Variants in PRSS53 observed in about 807,000 individuals in gnomAD.
PRSS53 encodes serine protease 53.
A neutral mutation model predicts 62.7 loss-of-function variants in PRSS53; 54 were observed. The observed-to-expected ratio is 0.86, with a 90% CI of 0.69 to 1.08. PRSS53 has a LOEUF of 1.08. Among genes scored for constraint, PRSS53 ranks in the 50% least tolerant of loss-of-function variants. PRSS53 has a pLI of 0.00. For synonymous variants in PRSS53, 273 were observed against 300.0 expected, an observed-to-expected ratio of 0.91 and a Z score of 0.93; for missense variants, 688 against 728.3, an observed-to-expected ratio of 0.94 and a Z score of 0.64.
At position 31,084,061 on chromosome 16, in the gene PRSS53, T is replaced by A. The variant is rs1415936394; in HGVS notation, c.1642+58A>T. 4 of 1,534,384 alleles carry A rather than the reference T, an allele frequency of 2.6e-6. No homozygotes were observed. The African/African-American group carries it at 5.5e-5, about 21-fold the overall frequency. ...GTGGGTTAGAACGGCACGTTCTCAC[T>A]GGAGAGAGAAGGGTCCTGGAGAGGC... On this transcript the variant is annotated intron_variant, in intron 10 of 10. Coordinates refer to ENST00000280606, the Ensembl canonical transcript of PRSS53.
In PRSS53 at chr16:31,083,544, AAGG is replaced by A. The variant is rs555821985; in HGVS notation, c.*243_*245del. On this transcript the variant is annotated 3_prime_UTR_variant, in exon 11 of 11. Coordinates refer to ENST00000280606, the Ensembl canonical transcript of PRSS53. ...TGGCGTGATTGTATCTGAAAGGGTA[AAGG>A]AGGAGGAAAGCTGAGACGCCTGCTT... is the stretch of plus-strand genomic sequence containing the variant. 1.2e-3 allele frequency: 1,693 copies of A among 1,425,702 alleles called. 3 individuals carry two copies. Among genetic ancestry groups the A allele is most frequent in the Non-Finnish European group, 1.2e-3 (1,356 of 1,086,138 alleles). The allele number at this position is 1,425,702 out of a possible 1,614,324, so 88.3% of individuals were successfully genotyped here. A position where few individuals can be genotyped will look rare whatever the true frequency, so the allele number is the denominator to read the frequency against.
At chr16:31,088,901 T>G in exon 1 of PRSS53, 1 of 1,570,342 alleles carries the variant, frequency 6.4e-7, no homozygotes, top group Non-Finnish European at 8.6e-7. Context: ...TCCAGTTGGC[T>G]AGGATTCAGC....
At chr16:31,084,669 G>C in exon 9 of PRSS53, 3 of 1,611,768 alleles carry the variant, frequency 1.9e-6, no homozygotes, top group Non-Finnish European at 2.5e-6. Flanking sequence ...TAGGCCCCAG[G>C]AGGGTCACGG....
chr16:31,087,673 G>C (rs559694061), exon 3 of PRSS53: 2 of 1,611,918 alleles, frequency 1.2e-6, no homozygotes, highest in Non-Finnish European at 1.7e-6. Flanking sequence ...TGAGGCTTGG[G>C]GGGGCCGGGG....
At chr16:31,085,857 C>G in intron 6 of PRSS53, 107 bp downstream of exon 6, 1 of 1,003,356 alleles carries the variant, frequency 1.0e-6, no homozygotes, top group Non-Finnish European at 1.5e-6. Context: ...GGTGAAAGAG[C>G]CCCCTAATTA....
chr16:31,086,934 G>T, intron 3 of PRSS53, 36 bp from the exon 4 acceptor site: 2 of 1,552,100 alleles, frequency 1.3e-6, no homozygotes, highest in Non-Finnish European at 1.7e-6. Flanking sequence ...GCTGCTGAGT[G>T]CAAGGGTAGA....
At position 31,084,352 on chromosome 16, in the gene PRSS53, G is replaced by A; in HGVS notation, c.1426-17C>T. ...AGACAGGCCCTGTCAGGGGTCAGGT[G>A]ACACTGGGTGACTTTTTATAGGCAG... On this transcript the variant is annotated splice_polypyrimidine_tract_variant and intron_variant, in intron 9 of 10. Transcript: ENST00000280606. The A allele has an allele frequency of 3.7e-6, 6 of 1,601,884 alleles. No homozygotes were observed. The highest frequency in any genetic ancestry group is 5.1e-6 in the Non-Finnish European group (6 of 1,175,080).
chr16:31,084,055 T>C (rs542360591), intron 10 of PRSS53, 64 bp downstream of exon 10: 1 of 1,529,806 alleles, frequency 6.5e-7, no homozygotes, highest in East Asian at 2.5e-5. Context: ...AACGGCACGT[T>C]CTCACTGGAG....
exon 11 of PRSS53, chr16:31,083,619 C>T (rs2057194212): frequency 1.0e-5 from 15 of 1,502,516 alleles, no homozygotes; most frequent in Non-Finnish European, 1.3e-5. Flanking sequence ...CCCTGTCCTG[C>T]AGGGTGGGGA....
chr16:31,083,978 A>C, intron 10 of PRSS53, 141 bp downstream of exon 10: 1 of 1,500,352 alleles, frequency 6.7e-7, no homozygotes, highest in Non-Finnish European at 8.9e-7. Flanking sequence ...ATGACAAAGA[A>C]CCAGAATCTG....
exon 7 of PRSS53, chr16:31,085,133 T>C (rs1311789202): frequency 6.2e-7 from 1 of 1,612,492 alleles, no homozygotes; most frequent in Admixed American, 1.7e-5. Flanking sequence ...GGGCAGCAGT[T>C]AGCACCGCCT....
chr16:31,088,336 G>A, intron 1 of PRSS53: 1 of 1,114,200 alleles, frequency 9.0e-7, no homozygotes, highest in South Asian at 2.6e-5. Flanking sequence ...CAGAGAGAGG[G>A]CCCCTGCCCA....
intron 5 of PRSS53, 57 bp from the exon 6 acceptor site, chr16:31,086,240 CCT>C: frequency 3.8e-6 from 6 of 1,590,686 alleles, no homozygotes; most frequent in Admixed American, 1.7e-5. Flanking sequence ...TGGCAGACAC[CCT>C]CTGATTGCAG....
At chr16:31,085,488 CT>C (rs1177723809) in intron 6 of PRSS53, among the ~76,000 whole-genome samples, 7 of 152,194 alleles carry the variant, frequency 4.6e-5, no homozygotes, top group African/African-American at 1.7e-4. Context: ...GATGGGACCC[CT>C]GTCCCAGCCT....
In PRSS53 at chr16:31,087,649, C is replaced by CT; in HGVS notation, c.129dup (p.Val44SerfsTer37). On this transcript the variant is annotated frameshift_variant, in exon 3 of 11. Coordinates refer to ENST00000280606, the Ensembl canonical transcript of PRSS53. LOFTEE classifies it high-confidence loss of function. ...GCCTGCCAGGGCCACTCGCCAGGGA[C>CT]TGTGTTGCCCTCCTGAGGCTTGGGG... is the stretch of plus-strand genomic sequence containing the variant. 1 of 1,611,264 alleles carries CT rather than the reference C, an allele frequency of 6.2e-7. No homozygotes were observed. The highest frequency in any genetic ancestry group is 8.5e-7 in the Non-Finnish European group (1 of 1,178,848).
chr16:31,087,228 C>T (rs4313819), intron 3 of PRSS53: 1 of 534,310 alleles, frequency 1.9e-6, no homozygotes, highest in Non-Finnish European at 3.3e-6. Flanking sequence ...AACTCTTGGG[C>T]TCAAGCGATC....
Position 31,087,310 on chromosome 16 carries a change from T to G in PRSS53, c.242+227A>C. 6.8e-6 allele frequency: 4 copies of G among 585,398 alleles called. No individual in the cohort carries two copies. In the South Asian group the frequency reaches 8.3e-5, roughly 12 times the overall value. 36.3% of individuals were successfully genotyped at this position (585,398 alleles called of 1,614,324 possible). On this transcript the variant is annotated intron_variant, in intron 3 of 10. Transcript: ENST00000280606. ...CTGTGCCCGGCCTCAGTCTGTGACT[T>G]TAAGCGAGGTCATTCCCTTGCAACC...
In PRSS53 at chr16:31,086,506, G is replaced by T. The variant is rs745736961; in HGVS notation, c.509-15C>A. 1.2e-6 allele frequency: 2 copies of T among 1,604,012 alleles called. No individual in the cohort carries two copies. The highest frequency in any genetic ancestry group is 1.7e-6 in the Non-Finnish European group (2 of 1,173,074). ...GGTCCCAGGAGCTGGTGAAAGAGAC[G>T]GGGCTGGGGCTAGAGTCTGGGATCT... On this transcript the variant is annotated splice_polypyrimidine_tract_variant and intron_variant, in intron 4 of 10. Coordinates refer to ENST00000280606, the Ensembl canonical transcript of PRSS53.
At chr16:31,084,016 C>T in intron 10 of PRSS53, 103 bp downstream of exon 10, 1 of 1,501,676 alleles carries the variant, frequency 6.7e-7, no homozygotes, top group Non-Finnish European at 8.9e-7. Flanking sequence ...TGTTGCTCCA[C>T]CCTACCCAAG....
Sources: allele counts gnomAD v4.1 joint callset (sites outside exome capture counted in the v4.1 genomes callset), GRCh38; gene constraint gnomAD v4.1.1; transcripts MANE v1.5; gene names NCBI Gene and HGNC (gene_info 2026-07-23, HGNC 2026-07-21).